Variants in ZNF782 observed in about 807,000 individuals in gnomAD.
The protein encoded by ZNF782 is zinc finger protein 782.
A neutral mutation model predicts 13.0 loss-of-function variants in ZNF782; 12 were observed. The ratio of observed to expected loss-of-function variants is 0.92; its 90% confidence interval spans 0.59 to 1.50. The LOEUF (loss-of-function observed/expected upper bound fraction) is 1.50, where lower values mean the gene tolerates loss of function less well. ZNF782 is among the 40% of genes most tolerant of loss of function. The probability of loss-of-function intolerance (pLI) is 0.00; values close to 1 mark genes in which losing one functional copy is unlikely to be tolerated. For synonymous variants in ZNF782, 284 were observed against 283.0 expected, an observed-to-expected ratio of 1.00 and a Z score of -0.04; for missense variants, 770 against 822.9, an observed-to-expected ratio of 0.94 and a Z score of 0.79.
intron 1 of ZNF782, among the ~76,000 whole-genome samples, chr9:96,869,512 C>G (rs1054688642): frequency 3.3e-5 from 5 of 152,254 alleles, no homozygotes; most frequent in African/African-American, 1.2e-4. Flanking sequence ...GCATTAGTGC[C>G]TAAGCCAAGA....
At chr9:96,927,332 AG>A in the ZNF782 span, among the ~76,000 whole-genome samples, 1 of 152,072 alleles carries the variant, frequency 6.6e-6, no homozygotes, top group Non-Finnish European at 1.5e-5. Flanking sequence ...CCAGAGTTCT[AG>A]GAATTGTAAG....
In ZNF782 at chr9:96,822,093, A is replaced by G. The variant is rs1850439443; in HGVS notation, c.245-2315T>C. ...TATATGAAGACAGTGACTGTTAAAA[A>G]GCAGTGTGCCTCAAAATTACCTCCT... On this transcript the variant is annotated intron_variant, in intron 5 of 5. Transcript: ENST00000481138. Among the ~76,000 whole-genome samples, 3 of 152,326 alleles carry G rather than the reference A, an allele frequency of 2.0e-5. No homozygotes were observed. The South Asian group carries it at 6.2e-4, about 32-fold the overall frequency.
At chr9:96,863,035 G>A (rs1001888304) in intron 1 of ZNF782, among the ~76,000 whole-genome samples, 5 of 152,162 alleles carry the variant, frequency 3.3e-5, no homozygotes, top group Admixed American at 1.3e-4. Flanking sequence ...ATTTGTGAAC[G>A]CAGAAGCACC....
At chr9:96,859,145 T>C (rs912091819), upstream of ZNF782, among the ~76,000 whole-genome samples, 2 of 152,218 alleles carry the variant, frequency 1.3e-5, no homozygotes, top group Non-Finnish European at 2.9e-5. Flanking sequence ...GTGGAAAGCC[T>C]GGCTACTGCA....
At chr9:96,820,508 T>TGGTTTATTATGTCAGG (rs1850377099) in intron 5 of ZNF782, among the ~76,000 whole-genome samples, 1 of 152,046 alleles carries the variant, frequency 6.6e-6, no homozygotes, top group African/African-American at 2.4e-5. Context: ...TCTGGTGACT[T>TGGTTTATTATGTCAGG]GGTTTATTAT....
At chr9:96,930,534 A>G in the ZNF782 span, among the ~76,000 whole-genome samples, 3 of 147,886 alleles carry the variant, frequency 2.0e-5, no homozygotes, top group Non-Finnish European at 4.5e-5. Flanking sequence ...AAAAAAAAAA[A>G]AAAAGAAAAA....
the ZNF782 span, among the ~76,000 whole-genome samples, chr9:96,886,512 T>G: frequency 2.0e-5 from 3 of 152,224 alleles, no homozygotes; most frequent in African/African-American, 7.2e-5. Context: ...TAGAAAAGGT[T>G]GTTAAACCAC....
chr9:96,930,878 T>TG, the ZNF782 span, among the ~76,000 whole-genome samples: 3 of 58,794 alleles, frequency 5.1e-5, no homozygotes, highest in African/African-American at 1.2e-4. Flanking sequence ...AGTGGTTTTT[T>TG]TTTTTTTTTT....
intron 1 of ZNF782, among the ~76,000 whole-genome samples, chr9:96,874,230 G>A (rs1298983825): frequency 6.6e-6 from 1 of 152,160 alleles, no homozygotes; most frequent in African/African-American, 2.4e-5. Flanking sequence ...AAGTGGGTCT[G>A]GATAATTCAT....
intron 4 of ZNF782, among the ~76,000 whole-genome samples, chr9:96,841,954 A>G (rs1414154821): frequency 6.6e-6 from 1 of 152,020 alleles, no homozygotes; most frequent in Non-Finnish European, 1.5e-5. Flanking sequence ...TTATGTTAAA[A>G]AATGCCAAGG....
chr9:96,858,117 G>C (rs1014055303), upstream of ZNF782, among the ~76,000 whole-genome samples: 1 of 152,156 alleles, frequency 6.6e-6, no homozygotes, highest in Admixed American at 6.5e-5. This position sits in a 1 kb window ranked among gnomAD's most constrained non-coding sequence, Gnocchi z 4.4. Flanking sequence ...AAAATGTGTA[G>C]CTTCACCCTG....
At position 96,818,578 on chromosome 9, in the gene ZNF782, T is replaced by A; in HGVS notation, c.1445A>T (p.Glu482Val). ...CATATGGCTGAAAGATTTCCCGCAT[T>A]CATTACATTCAAAAGGTTTCTCCCC... ...HTGEKPFECN[E>V]CGKSFSHMSG... Residue 482 changes from glutamate (E) to valine (V), a missense_variant, in exon 6 of 6, where the codon GAA becomes GTA. Glu to Val is a moderately radical substitution (Grantham distance 121, BLOSUM62 -2). Transcript: ENST00000481138. 6.2e-7 allele frequency: 1 copy of A among 1,613,948 alleles called. No homozygotes were observed. The highest frequency in any genetic ancestry group is 8.5e-7 in the Non-Finnish European group (1 of 1,179,948).
At chr9:96,822,257 T>C (rs1176659352) in intron 5 of ZNF782, among the ~76,000 whole-genome samples, 4 of 152,206 alleles carry the variant, frequency 2.6e-5, no homozygotes, top group African/African-American at 7.2e-5. Context: ...CCGAGTGGCT[T>C]TGAAGTTAAT....
the ZNF782 span, among the ~76,000 whole-genome samples, chr9:96,931,387 C>T: frequency 6.6e-6 from 1 of 152,018 alleles, no homozygotes; most frequent in South Asian, 2.1e-4. Flanking sequence ...ACCAAGCCAC[C>T]GAGAGACTCA....
chr9:96,851,507 T>C (rs1008092123), intron 3 of ZNF782, among the ~76,000 whole-genome samples: 1 of 152,178 alleles, frequency 6.6e-6, no homozygotes, highest in Non-Finnish European at 1.5e-5. Flanking sequence ...CAGGAAAGTA[T>C]AGTTTAATCC....
chr9:96,895,812 T>C, the ZNF782 span: 14 of 152,246 alleles, frequency 9.2e-5, no homozygotes, highest in South Asian at 6.2e-4. Context: ...GGAATAGACA[T>C]ACTCAACAAT....
intron 5 of ZNF782, among the ~76,000 whole-genome samples, chr9:96,822,552 T>G (rs892534297): frequency 6.6e-6 from 1 of 152,350 alleles, no homozygotes; most frequent in East Asian, 1.9e-4. Flanking sequence ...TTTCCCCCTT[T>G]TTCGAATTGA....
the ZNF782 span, among the ~76,000 whole-genome samples, chr9:96,922,703 G>C: frequency 6.6e-6 from 1 of 151,342 alleles, no homozygotes. Context: ...GAACCCGGGA[G>C]GCGGAGTTTG....
At chr9:96,883,297 C>T in the ZNF782 span, among the ~76,000 whole-genome samples, 1 of 151,968 alleles carries the variant, frequency 6.6e-6, no homozygotes, top group Non-Finnish European at 1.5e-5. Flanking sequence ...TGGGATGATT[C>T]CAGAACAGCA....
Sources: gnomAD v4.1 joint callset for allele counts (sites outside exome capture counted in the v4.1 genomes callset) on GRCh38, gnomAD v4.1.1 for gene constraint, Gnocchi (gnomAD v3.1) non-coding constraint, MANE v1.5 for transcripts, NCBI Gene and HGNC (gene_info 2026-07-23, HGNC 2026-07-21) for gene names.